The following PIK3R5 variants were observed in gnomAD, a reference collection of about 807,000 sequenced individuals.
The protein encoded by PIK3R5 is phosphoinositide 3-kinase regulatory subunit 5.
A neutral mutation model predicts 94.9 loss-of-function variants in PIK3R5; 32 were observed. That is an observed-to-expected ratio of 0.34 (90% CI 0.25 to 0.45). The LOEUF (loss-of-function observed/expected upper bound fraction) is 0.45, where lower values mean the gene tolerates loss of function less well. Ranked by LOEUF, PIK3R5 falls within the 20% of genes least tolerant of loss-of-function variation. The pLI, the probability that PIK3R5 is intolerant of heterozygous loss-of-function variation, is 1.00. For missense variants in PIK3R5, 853 were observed against 1,144.6 expected, an observed-to-expected ratio of 0.75 and a Z score of 3.68; for synonymous variants, 443 against 479.4, an observed-to-expected ratio of 0.92 and a Z score of 0.99.
rs1369656776 is a variant in PIK3R5 at position 8,935,459 on chromosome 17, G to A, written c.-13-23952C>T. On this transcript the variant is annotated intron_variant, in intron 1 of 18. Transcript: ENST00000447110. This position sits in a 1 kb window ranked among gnomAD's most constrained non-coding sequence, Gnocchi z 4.5. ...GTCGTTTTTGGCCACCCACAGTGTGGGCAGGTTGCCTGGGAGACCTGCTTC... is the reference window on the plus strand; with the variant it reads ...GTCGTTTTTGGCCACCCACAGTGTGAGCAGGTTGCCTGGGAGACCTGCTTC... Among the ~76,000 whole-genome samples the A allele has an allele frequency of 6.6e-6, 1 of 152,142 alleles. No homozygotes were observed. The highest frequency in any genetic ancestry group is 1.5e-5 in the Non-Finnish European group (1 of 68,020).
chr17:8,922,100 T>A (rs1567656464), intron 1 of PIK3R5, among the ~76,000 whole-genome samples: 2 of 151,514 alleles, frequency 1.3e-5, no homozygotes, highest in Admixed American at 6.6e-5. Flanking sequence ...GATTTGTTCA[T>A]TCTCCATGAG....
intron 1 of PIK3R5, among the ~76,000 whole-genome samples, chr17:8,922,357 T>G (rs1392321991): frequency 2.6e-5 from 4 of 152,142 alleles, no homozygotes; most frequent in Non-Finnish European, 5.9e-5. Flanking sequence ...ATTGATTACT[T>G]AGTTTGATAA....
Position 8,888,664 on chromosome 17 carries a change from G to C in PIK3R5, c.1123C>G (p.Leu375Val). 6.2e-7 allele frequency: 1 copy of C among 1,613,864 alleles called. No homozygotes were observed. Among genetic ancestry groups the C allele is most frequent in the Non-Finnish European group, 8.5e-7 (1 of 1,179,938 alleles). ...QASGPALSRH[L>V]LTSFVSGLSD... ...AGGCCTGAGACAAAGGAAGTCAGCA[G>C]ATGGCGCGAGAGGGCCGGCCCCGAG... The change falls in exon 10 of 19, where the codon CTG (leucine) becomes GTG (valine). Residue 375 changes from leucine to valine, a missense_variant. Coordinates refer to ENST00000447110, the MANE Select transcript of PIK3R5 (RefSeq NM_001142633.3). This position sits in a 1 kb window ranked among gnomAD's most constrained non-coding sequence, Gnocchi z 7.8.
intron 5 of PIK3R5, among the ~76,000 whole-genome samples, chr17:8,899,196 C>T (rs1221172183): frequency 6.6e-6 from 1 of 152,182 alleles, no homozygotes; most frequent in Non-Finnish European, 1.5e-5. Context: ...AGGCACTGGG[C>T]GATCATACGG....
chr17:8,913,535 C>T (rs1312385551), intron 1 of PIK3R5, among the ~76,000 whole-genome samples: 1 of 151,810 alleles, frequency 6.6e-6, no homozygotes, highest in Admixed American at 6.5e-5. Context: ...CTTGAAACCC[C>T]ATCTCTACTA....
Position 8,955,873 on chromosome 17 carries a change from G to A in PIK3R5, c.-14+9723C>T, listed in dbSNP as rs1431068171. On this transcript the variant is annotated intron_variant, in intron 1 of 18. Transcript: ENST00000447110. This position sits in a 1 kb window ranked among gnomAD's most constrained non-coding sequence, Gnocchi z 4.4. ...GAGTTGGGCTCTGGATATTGCTCAAGTTGAAATAGGGCATCAAGTGAAAAT... is the reference window on the plus strand; with the variant it reads ...GAGTTGGGCTCTGGATATTGCTCAAATTGAAATAGGGCATCAAGTGAAAAT... 6.6e-6 allele frequency among the ~76,000 whole-genome samples: 1 copy of A among 152,190 alleles called. No individual in the cohort carries two copies. The highest frequency in any genetic ancestry group is 1.9e-4 in the East Asian group (1 of 5,190).
chr17:8,890,552 G>A lies in PIK3R5; in HGVS notation c.657+186C>T, dbSNP rs1004626213. Among the ~76,000 whole-genome samples, 2 of 152,236 alleles carry A rather than the reference G, an allele frequency of 1.3e-5. No individual in the cohort carries two copies. Among genetic ancestry groups the A allele is most frequent in the South Asian group, 4.1e-4 (2 of 4,834 alleles). ...GTCCTACTGCCCAGGCTGCCACCCA[G>A]CTGGTTAGGATCCAGCACACCAGAA... On this transcript the variant is annotated intron_variant, in intron 7 of 18. Transcript: ENST00000447110. This position sits in a 1 kb window ranked among gnomAD's most constrained non-coding sequence, Gnocchi z 6.1.
chr17:8,961,593 G>A (rs1009486847), intron 1 of PIK3R5, among the ~76,000 whole-genome samples: 20 of 152,118 alleles, frequency 1.3e-4, no homozygotes, highest in Admixed American at 1.3e-3. Context: ...CGAGATCACG[G>A]CACTGCATTC....
chr17:8,881,559 A>C lies in PIK3R5; in HGVS notation c.2382+71T>G. ...CACACATACATGTGCACACACACGT[A>C]CACACATACGCACATGCACGCTCCA... On this transcript the variant is annotated intron_variant, in intron 17 of 18. Transcript: ENST00000447110. The surrounding 1 kb of genome is among the most constrained non-coding windows in gnomAD (Gnocchi z 4.8). 8.6e-7 allele frequency: 1 copy of C among 1,162,654 alleles called. No individual in the cohort carries two copies. Among genetic ancestry groups the C allele is most frequent in the Non-Finnish European group, 1.3e-6 (1 of 788,330 alleles). The allele number at this position is 1,162,654 out of a possible 1,614,324, so 72.0% of individuals were successfully genotyped here.
intron 1 of PIK3R5, among the ~76,000 whole-genome samples, chr17:8,942,133 C>T (rs894226960): frequency 7.2e-5 from 11 of 152,184 alleles, no homozygotes; most frequent in Non-Finnish European, 1.3e-4. Context: ...TCTCTCCCTT[C>T]CATTGCAGAG....
intron 5 of PIK3R5, among the ~76,000 whole-genome samples, chr17:8,901,717 T>TTA (rs1480312030): frequency 2.0e-3 from 307 of 152,336 alleles, no homozygotes; most frequent in African/African-American, 7.1e-3. Flanking sequence ...TTGGGGGGAC[T>TTA]GCTTTTTCGC....
intron 1 of PIK3R5, among the ~76,000 whole-genome samples, chr17:8,958,539 T>C (rs2151481754): frequency 6.6e-6 from 1 of 152,316 alleles, no homozygotes; most frequent in East Asian, 1.9e-4. Context: ...AAAGGAGGAA[T>C]TGAAGAAAAC....
chr17:8,894,800 C>T (rs1039833919), intron 5 of PIK3R5, among the ~76,000 whole-genome samples: 6 of 147,790 alleles, frequency 4.1e-5, no homozygotes, highest in Admixed American at 6.8e-5. Flanking sequence ...CAGTCCCCAT[C>T]GAGAGCAGGG....
At chr17:8,937,821 T>TTG (rs1030775718) in intron 1 of PIK3R5, among the ~76,000 whole-genome samples, 5 of 152,110 alleles carry the variant, frequency 3.3e-5, no homozygotes, top group African/African-American at 1.2e-4. Context: ...ATTTTTTCTT[T>TTG]TGTGTGTGTG....
At chr17:8,937,259 C>G (rs1210923027) in intron 1 of PIK3R5, among the ~76,000 whole-genome samples, 1 of 152,128 alleles carries the variant, frequency 6.6e-6, no homozygotes, top group Non-Finnish European at 1.5e-5. Context: ...TATATTTTTG[C>G]TTTACGTAGG....
Position 8,935,918 on chromosome 17 carries a change from G to A in PIK3R5, c.-13-24411C>T, listed in dbSNP as rs182925044. ...AAATACAAAAAATTAGCCGGGCGTG[G>A]TGGCGGGCACCTGTAGTCCCAGCTA... On this transcript the variant is annotated intron_variant, in intron 1 of 18. Coordinates refer to ENST00000447110, the MANE Select transcript of PIK3R5 (RefSeq NM_001142633.3). The surrounding 1 kb of genome is among the most constrained non-coding windows in gnomAD (Gnocchi z 4.5). 6.6e-6 allele frequency among the ~76,000 whole-genome samples: 1 copy of A among 152,088 alleles called. No individual in the cohort carries two copies.
At chr17:8,952,926 C>T (rs1306924883) in intron 1 of PIK3R5, among the ~76,000 whole-genome samples, 1 of 152,122 alleles carries the variant, frequency 6.6e-6, no homozygotes, top group Non-Finnish European at 1.5e-5. Context: ...ATTACCATGG[C>T]TGCAACCCAA....
Position 8,889,090 on chromosome 17 carries a change from A to T in PIK3R5, c.895+49T>A, listed in dbSNP as rs2151371231. The T allele has an allele frequency of 2.6e-6, 4 of 1,565,442 alleles. No homozygotes were observed. The African/African-American group carries it at 4.1e-5, about 16-fold the overall frequency. On this transcript the variant is annotated intron_variant, in intron 9 of 18. Coordinates refer to ENST00000447110, the MANE Select transcript of PIK3R5 (RefSeq NM_001142633.3). This position sits in a 1 kb window ranked among gnomAD's most constrained non-coding sequence, Gnocchi z 4.1. Reference sequence around the variant, plus strand: ...TGCATGGACCCAGGACCAGAAACACAGCTCAGGCAGTGTGGGGCATGGGTG... The same window carrying T: ...TGCATGGACCCAGGACCAGAAACACTGCTCAGGCAGTGTGGGGCATGGGTG...
intron 3 of PIK3R5, among the ~76,000 whole-genome samples, chr17:8,906,489 G>T (rs936753603): frequency 6.6e-6 from 1 of 152,106 alleles, no homozygotes; most frequent in African/African-American, 2.4e-5. Flanking sequence ...GAAATTACAG[G>T]TGTTGATTTT....
Sources: gnomAD v4.1 joint callset for allele counts (sites outside exome capture counted in the v4.1 genomes callset) on GRCh38, gnomAD v4.1.1 for gene constraint, Gnocchi (gnomAD v3.1) non-coding constraint, MANE v1.5 for transcripts, NCBI Gene and HGNC (gene_info 2026-07-23, HGNC 2026-07-21) for gene names.